The following GLIS3 variants were observed in gnomAD, a reference collection of about 807,000 sequenced individuals.
GLIS3 encodes the protein GLIS family zinc finger 3, also known as zinc finger protein GLIS3.
GLIS3 carries 53 observed loss-of-function variants against 78.6 expected under a neutral mutation model. That is an observed-to-expected ratio of 0.67 (90% CI 0.54 to 0.85). The LOEUF (loss-of-function observed/expected upper bound fraction) is 0.85. GLIS3 is among the 40% of genes least tolerant of loss of function. The pLI is 0.00. For synonymous variants in GLIS3, 684 were observed against 509.9 expected, an observed-to-expected ratio of 1.34 and a Z score of -4.60; for missense variants, 1,703 against 1,231.1, an observed-to-expected ratio of 1.38 and a Z score of -5.74.
intron 2 of GLIS3, among the ~76,000 whole-genome samples, chr9:4,338,978 G>A (rs1169369665): frequency 6.6e-6 from 1 of 152,176 alleles, no homozygotes; most frequent in Non-Finnish European, 1.5e-5. Context: ...ACGGCTTTAT[G>A]TGTTACAGGC....
chr9:4,008,664 C>G (rs1412050599), intron 4 of GLIS3, among the ~76,000 whole-genome samples: 1 of 152,136 alleles, frequency 6.6e-6, no homozygotes, highest in Non-Finnish European at 1.5e-5. Flanking sequence ...TCACAAAGTA[C>G]ATGCCCCATG....
the GLIS3 span, among the ~76,000 whole-genome samples, chr9:4,414,308 T>G: frequency 6.6e-6 from 1 of 152,220 alleles, no homozygotes; most frequent in African/African-American, 2.4e-5. Flanking sequence ...AAAACATGTA[T>G]GGCCCAGAGG....
At chr9:4,016,685 T>C (rs754191220) in intron 4 of GLIS3, among the ~76,000 whole-genome samples, 2 of 152,168 alleles carry the variant, frequency 1.3e-5, no homozygotes, top group Non-Finnish European at 2.9e-5. Context: ...TGCTCTGCTC[T>C]GATGTGGACT....
At chr9:4,042,344 C>A (rs1433002356) in intron 4 of GLIS3, among the ~76,000 whole-genome samples, 1 of 152,196 alleles carries the variant, frequency 6.6e-6, no homozygotes, top group Non-Finnish European at 1.5e-5. Flanking sequence ...TGTTAACTGT[C>A]AGCCAAACAT....
At chr9:4,444,183 C>A in the GLIS3 span, among the ~76,000 whole-genome samples, 10 of 152,254 alleles carry the variant, frequency 6.6e-5, no homozygotes, top group African/African-American at 2.4e-4. Flanking sequence ...ATTCAGACTG[C>A]CCTTGTACCA....
chr9:4,449,082 A>T, the GLIS3 span, among the ~76,000 whole-genome samples: 1 of 152,334 alleles, frequency 6.6e-6, no homozygotes, highest in African/African-American at 2.4e-5. Flanking sequence ...AAGCTGTGAC[A>T]GACGGCACCT....
intron 2 of GLIS3, among the ~76,000 whole-genome samples, chr9:4,259,696 C>A (rs2129993526): frequency 6.6e-6 from 1 of 152,284 alleles, no homozygotes; most frequent in East Asian, 1.9e-4. Flanking sequence ...GCGAAGGAGG[C>A]AGGACCTGTT....
At chr9:4,483,119 T>C in the GLIS3 span, among the ~76,000 whole-genome samples, 5 of 152,090 alleles carry the variant, frequency 3.3e-5, no homozygotes, top group South Asian at 2.1e-4. Flanking sequence ...TAGAGGACAA[T>C]AAAGTAAAAA....
the GLIS3 span, among the ~76,000 whole-genome samples, chr9:4,422,044 G>A: frequency 6.6e-6 from 1 of 152,202 alleles, no homozygotes; most frequent in South Asian, 2.1e-4. Flanking sequence ...CCACAGACAT[G>A]TTCATATCAA....
chr9:4,390,189 G>T, the GLIS3 span, among the ~76,000 whole-genome samples: 2 of 152,210 alleles, frequency 1.3e-5, no homozygotes, highest in Non-Finnish European at 2.9e-5. Flanking sequence ...GGAGAATAAA[G>T]TTGGAGGGGG....
At chr9:4,410,529 GC>G in the GLIS3 span, among the ~76,000 whole-genome samples, 1 of 152,150 alleles carries the variant, frequency 6.6e-6, no homozygotes, top group Non-Finnish European at 1.5e-5. Context: ...ACGTAAATCA[GC>G]TAAAATTTTA....
intron 4 of GLIS3, among the ~76,000 whole-genome samples, chr9:3,973,601 G>A (rs1210222220): frequency 6.6e-6 from 1 of 152,152 alleles, no homozygotes; most frequent in East Asian, 1.9e-4. Flanking sequence ...TACTAATCGT[G>A]CTAATCCTAG....
chr9:4,382,163 T>C, the GLIS3 span, among the ~76,000 whole-genome samples: 2 of 152,242 alleles, frequency 1.3e-5, no homozygotes, highest in East Asian at 1.9e-4. Context: ...TCCCTTTTAT[T>C]TGAAACATCT....
At chr9:4,464,575 A>G in the GLIS3 span, among the ~76,000 whole-genome samples, 1 of 151,914 alleles carries the variant, frequency 6.6e-6, no homozygotes, top group Non-Finnish European at 1.5e-5. Context: ...TTGTATTTTT[A>G]GTAGAGGCGG....
At chr9:3,895,624 A>G (rs554596335) in intron 7 of GLIS3, among the ~76,000 whole-genome samples, 1 of 152,322 alleles carries the variant, frequency 6.6e-6, no homozygotes, top group African/African-American at 2.4e-5. Context: ...TTTCAACCTG[A>G]AAAGTTTGTT....
At chr9:3,922,002 C>T (rs908870656) in intron 6 of GLIS3, among the ~76,000 whole-genome samples, 1 of 151,500 alleles carries the variant, frequency 6.6e-6, no homozygotes, top group East Asian at 1.9e-4. Flanking sequence ...ATAGTCCTAA[C>T]AGAAATTCAA....
At chr9:4,191,460 AT>A (rs1818327092) in intron 2 of GLIS3, among the ~76,000 whole-genome samples, 1 of 152,216 alleles carries the variant, frequency 6.6e-6, no homozygotes. Flanking sequence ...TTAAGATGGA[AT>A]TTACTTGTCT....
intron 4 of GLIS3, among the ~76,000 whole-genome samples, chr9:4,038,964 T>C (rs1164628195): frequency 6.6e-6 from 1 of 152,180 alleles, no homozygotes; most frequent in African/African-American, 2.4e-5. Context: ...CCTCCCCATG[T>C]CTTCTCTCAC....
At chr9:3,950,795 G>A (rs137951264) in intron 4 of GLIS3, among the ~76,000 whole-genome samples, 7 of 152,210 alleles carry the variant, frequency 4.6e-5, no homozygotes, top group African/African-American at 9.6e-5. Flanking sequence ...GTTGAATAAC[G>A]GACAAGTGAC....
Sources: gnomAD v4.1 joint callset for allele counts (sites outside exome capture counted in the v4.1 genomes callset) on GRCh38, gnomAD v4.1.1 for gene constraint, MANE v1.5 for transcripts, NCBI Gene and HGNC (gene_info 2026-07-23, HGNC 2026-07-21) for gene names.